Variants in CHKA observed in about 807,000 individuals in gnomAD.
The protein encoded by CHKA is CHETK-alpha.
Under a neutral mutation model 60.1 loss-of-function variants are expected in CHKA, and 34 were observed. That is an observed-to-expected ratio of 0.57 (90% confidence interval 0.43 to 0.75). The LOEUF is 0.75. CHKA is among the 30% of genes least tolerant of loss of function. The pLI is 0.00. For missense variants in CHKA, 563 were observed against 561.3 expected, an observed-to-expected ratio of 1.00 and a Z score of -0.03; for synonymous variants, 217 against 223.1, an observed-to-expected ratio of 0.97 and a Z score of 0.24.
intron 1 of CHKA, among the ~76,000 whole-genome samples, chr11:68,113,036 C>T (rs958723840): frequency 7.9e-6 from 1 of 126,952 alleles, no homozygotes; most frequent in African/African-American, 3.0e-5. Context: ...GAGCCAAGAT[C>T]GCACCACTGC....
intron 1 of CHKA, among the ~76,000 whole-genome samples, chr11:68,098,271 C>CAAAAA (rs57972693): frequency 9.1e-5 from 11 of 120,708 alleles, no homozygotes; most frequent in East Asian, 4.7e-4. Context: ...ACTCCTATCT[C>CAAAAA]AAAAAAAAAA....
chr11:68,055,255 T>C (rs1041908100), intron 11 of CHKA, among the ~76,000 whole-genome samples: 1 of 152,122 alleles, frequency 6.6e-6, no homozygotes, highest in South Asian at 2.1e-4. Flanking sequence ...CTGGGTGCGG[T>C]GGCGGGCGCC....
chr11:68,090,914 G>T (rs898867396), intron 2 of CHKA, among the ~76,000 whole-genome samples: 4 of 152,152 alleles, frequency 2.6e-5, no homozygotes, highest in African/African-American at 9.7e-5. Context: ...ACAGAGGAAG[G>T]GACAAAGCAA....
intron 1 of CHKA, among the ~76,000 whole-genome samples, chr11:68,104,300 T>C (rs1857834706): frequency 6.6e-6 from 1 of 151,996 alleles, no homozygotes; most frequent in African/African-American, 2.4e-5. Flanking sequence ...TCATAGAAGT[T>C]GAGAATAGTG....
intron 1 of CHKA, among the ~76,000 whole-genome samples, chr11:68,105,478 G>A (rs1164123710): frequency 1.7e-5 from 2 of 117,766 alleles, no homozygotes; most frequent in African/African-American, 6.5e-5. Context: ...TCGGGCCACT[G>A]TACTCCAGCC....
chr11:68,077,886 G>A (rs1012753347), intron 3 of CHKA, among the ~76,000 whole-genome samples: 3 of 152,180 alleles, frequency 2.0e-5, no homozygotes, highest in Non-Finnish European at 2.9e-5. Context: ...AGGAACAAGT[G>A]TGACGCCTTC....
chr11:68,055,969 A>C (rs977590370), intron 11 of CHKA, among the ~76,000 whole-genome samples: 2 of 151,992 alleles, frequency 1.3e-5, no homozygotes, highest in African/African-American at 2.4e-5. Flanking sequence ...AGTCGTTTGA[A>C]CCCAGAAGGC....
intron 11 of CHKA, among the ~76,000 whole-genome samples, chr11:68,057,789 C>A (rs1269667439): frequency 6.6e-6 from 1 of 152,210 alleles, no homozygotes; most frequent in Non-Finnish European, 1.5e-5. Flanking sequence ...TTTGAAAATA[C>A]AATCCTTTCC....
chr11:68,085,599 G>A (rs867072409), intron 2 of CHKA, among the ~76,000 whole-genome samples: 11 of 152,128 alleles, frequency 7.2e-5, no homozygotes, highest in Middle Eastern at 6.8e-3. Context: ...TATTAGCTAT[G>A]GAGTAAAATG....
intron 1 of CHKA, among the ~76,000 whole-genome samples, chr11:68,103,337 C>T (rs1590875715): frequency 6.6e-6 from 1 of 151,942 alleles, no homozygotes; most frequent in South Asian, 2.1e-4. Context: ...GCCTGGGTGA[C>T]GGAGCAAGAC....
chr11:68,083,711 C>T lies in CHKA; in HGVS notation c.463-2254G>A, dbSNP rs1260166721. On this transcript the variant is annotated intron_variant, in intron 2 of 11. Coordinates refer to ENST00000265689, the MANE Select transcript of CHKA (RefSeq NM_001277.3). ...GTGGTAGTAAATCCATGATAATCTC[C>T]CCTGCCCACTCCCTCACTCCACCCC... Among the ~76,000 whole-genome samples the T allele has an allele frequency of 2.0e-5, 3 of 152,120 alleles. No homozygotes were observed. In the East Asian group the frequency reaches 5.8e-4, roughly 29 times the overall value.
chr11:68,110,231 CT>C (rs1049064801), intron 1 of CHKA, among the ~76,000 whole-genome samples: 2 of 152,100 alleles, frequency 1.3e-5, no homozygotes, highest in South Asian at 2.1e-4. Flanking sequence ...AATGTTCCCC[CT>C]CACCACTTTT....
intron 3 of CHKA, among the ~76,000 whole-genome samples, chr11:68,077,252 A>G (rs145160287): frequency 2.0e-5 from 3 of 152,260 alleles, no homozygotes; most frequent in African/African-American, 7.2e-5. Flanking sequence ...AAGAAAAGAA[A>G]ATGAAAGAGA....
chr11:68,093,534 T>A (rs940718384), intron 2 of CHKA, among the ~76,000 whole-genome samples: 1 of 152,262 alleles, frequency 6.6e-6, no homozygotes, highest in Non-Finnish European at 1.5e-5. Flanking sequence ...CTTTTTATTT[T>A]TCTTAGTTAC....
intron 1 of CHKA, among the ~76,000 whole-genome samples, chr11:68,105,853 C>A (rs1403905775): frequency 6.6e-6 from 1 of 152,156 alleles, no homozygotes; most frequent in Admixed American, 6.5e-5. Flanking sequence ...CTAGCACATA[C>A]AGGGCTTAGT....
chr11:68,070,852 C>T lies in CHKA; in HGVS notation c.636G>A (p.Arg212=), dbSNP rs1256708958. The change falls in exon 5 of 12, where the codon CGG becomes CGA. Residue 212 remains arginine (R), a synonymous_variant. Coordinates refer to ENST00000265689, the MANE Select transcript of CHKA (RefSeq NM_001277.3). Reference sequence around the variant, plus strand: ...AACTTAATTCTTCAGTATCTAATCGCCGGCTCTGAAAAAGAAAAGGGAGTT... The same window carrying T: ...AACTTAATTCTTCAGTATCTAATCGTCGGCTCTGAAAAAGAAAAGGGAGTT... ...QGRLEQFIPS[R]RLDTEELSLP... 6.2e-7 allele frequency: 1 copy of T among 1,606,252 alleles called. No individual in the cohort carries two copies. Among genetic ancestry groups the T allele is most frequent in the African/African-American group, 1.3e-5 (1 of 74,730 alleles).
upstream of CHKA, chr11:68,121,388 T>TGCC (rs1858654844): frequency 5.6e-6 from 1 of 178,732 alleles, no homozygotes; most frequent in Non-Finnish European, 1.1e-5. Flanking sequence ...CTCGCTCCTC[T>TGCC]GCCGCCGCCG....
At chr11:68,068,624 C>T (rs1346437913) in intron 7 of CHKA, among the ~76,000 whole-genome samples, 1 of 152,038 alleles carries the variant, frequency 6.6e-6, no homozygotes, top group Non-Finnish European at 1.5e-5. Flanking sequence ...TGCTATGTTG[C>T]CCAGGCTGGT....
chr11:68,062,300 T>C (rs1476861675), intron 10 of CHKA, among the ~76,000 whole-genome samples: 1 of 152,240 alleles, frequency 6.6e-6, no homozygotes, highest in East Asian at 1.9e-4. Flanking sequence ...TAAATGCCAC[T>C]TGGCCATAAT....
Sources: allele counts gnomAD v4.1 joint callset (sites outside exome capture counted in the v4.1 genomes callset), GRCh38; gene constraint gnomAD v4.1.1; transcripts MANE v1.5; gene names NCBI Gene and HGNC (gene_info 2026-07-23, HGNC 2026-07-21).